CCNY: variants seen among roughly 807,000 people sequenced by gnomAD.
CCNY encodes cyclin Y, also known as cyclin-Y.
A neutral mutation model predicts 42.8 loss-of-function variants in CCNY; 19 were observed. The observed-to-expected ratio is 0.44, with a 90% CI of 0.31 to 0.65. The LOEUF (loss-of-function observed/expected upper bound fraction) is 0.65. Ranked by LOEUF, CCNY falls within the 30% of genes least tolerant of loss-of-function variation. CCNY has a pLI of 0.07. For synonymous variants in CCNY, 165 were observed against 162.7 expected (o/e 1.01, Z -0.11); for missense variants, 370 against 437.3 (o/e 0.85, Z 1.37).
chr10:35,370,811 G>A (rs998271630), intron 1 of CCNY, among the ~76,000 whole-genome samples: 1 of 151,474 alleles, frequency 6.6e-6, no homozygotes, highest in African/African-American at 2.4e-5. Flanking sequence ...CGCCTCCTGG[G>A]TTCATGCCAT....
chr10:35,454,357 C>T (rs562084698), intron 1 of CCNY, among the ~76,000 whole-genome samples: 105 of 152,332 alleles, frequency 6.9e-4, no homozygotes, highest in African/African-American at 2.1e-3. Flanking sequence ...AAGACTCCGC[C>T]GTAGCGGTTC....
chr10:35,292,002 TG>T (rs1835419490), intron 3 of CCNY, among the ~76,000 whole-genome samples: 1 of 152,226 alleles, frequency 6.6e-6, no homozygotes. Flanking sequence ...AGTAGCGTAG[TG>T]GGGTTCCAGT....
intron 3 of CCNY, among the ~76,000 whole-genome samples, chr10:35,316,004 A>AT (rs1403581716): frequency 6.6e-6 from 1 of 152,114 alleles, no homozygotes; most frequent in Non-Finnish European, 1.5e-5. Flanking sequence ...TATAAGTGTA[A>AT]TTGTCTTTTA....
At chr10:35,564,416 C>T (rs1431549446) in intron 8 of CCNY, among the ~76,000 whole-genome samples, 1 of 152,130 alleles carries the variant, frequency 6.6e-6, no homozygotes, top group East Asian at 1.9e-4. Context: ...CCTCCCCACC[C>T]GCCTCCTTAC....
In CCNY at chr10:35,258,975, G is replaced by A. The variant is rs142907018; in HGVS notation, c.-9+8349G>A. Among the ~76,000 whole-genome samples the A allele has an allele frequency of 3.7e-3, 562 of 150,696 alleles. 4 individuals carry two copies. The highest frequency in any genetic ancestry group is 0.013 in the African/African-American group (525 of 40,970). On this transcript the variant is annotated intron_variant, in intron 3 of 11. Transcript: ENST00000374706. ...GGAAACACATGCACTGCTGCCTGCC[G>A]TGGGGAAAGGTGGTGAGGAAAAGGG... is the stretch of plus-strand genomic sequence containing the variant.
chr10:35,300,163 G>T (rs1017806679), intron 3 of CCNY, among the ~76,000 whole-genome samples: 1 of 152,202 alleles, frequency 6.6e-6, no homozygotes, highest in Admixed American at 6.5e-5. Context: ...AGCCAAAGAT[G>T]TAAGAGGGCT....
chr10:35,353,374 A>G (rs935880033), intron 1 of CCNY, among the ~76,000 whole-genome samples: 1 of 152,236 alleles, frequency 6.6e-6, no homozygotes, highest in African/African-American at 2.4e-5. Flanking sequence ...AGTTTCATGT[A>G]TATTTTTATA....
At chr10:35,319,924 C>T (rs1043056796) in intron 3 of CCNY, among the ~76,000 whole-genome samples, 4 of 151,548 alleles carry the variant, frequency 2.6e-5, no homozygotes, top group African/African-American at 9.7e-5. Context: ...CACTCCAGCC[C>T]GGGAGACACT....
At chr10:35,330,354 G>C (rs1016506884) in intron 3 of CCNY, among the ~76,000 whole-genome samples, 1 of 152,066 alleles carries the variant, frequency 6.6e-6, no homozygotes, top group African/African-American at 2.4e-5. Context: ...TACCTATACC[G>C]TATCTTGGCT....
intron 1 of CCNY, among the ~76,000 whole-genome samples, chr10:35,450,305 A>T (rs767529352): frequency 6.6e-6 from 1 of 152,054 alleles, no homozygotes; most frequent in Non-Finnish European, 1.5e-5. Context: ...GGTGACTTAC[A>T]GGGAGAGGGT....
intron 3 of CCNY, among the ~76,000 whole-genome samples, chr10:35,293,910 C>G (rs755187250): frequency 3.3e-5 from 5 of 151,892 alleles, no homozygotes; most frequent in Non-Finnish European, 7.4e-5. Flanking sequence ...TCTGCCTCAG[C>G]CTCCCGAGTA....
intron 8 of CCNY, 105 bp from the exon 9 acceptor site, chr10:35,565,918 G>T: frequency 9.0e-7 from 1 of 1,114,966 alleles, no homozygotes; most frequent in Non-Finnish European, 1.3e-6. Flanking sequence ...TGGTCTTCCT[G>T]GAGGATGCAG....
At chr10:35,400,929 C>T (rs1837629683) in intron 1 of CCNY, among the ~76,000 whole-genome samples, 1 of 152,164 alleles carries the variant, frequency 6.6e-6, no homozygotes, top group Non-Finnish European at 1.5e-5. Flanking sequence ...TCTTAATGCG[C>T]ACTTTTTTTT....
At chr10:35,497,290 G>A (rs1840021364) in intron 2 of CCNY, among the ~76,000 whole-genome samples, 1 of 152,142 alleles carries the variant, frequency 6.6e-6, no homozygotes, top group South Asian at 2.1e-4. Flanking sequence ...GAAATGAGTT[G>A]GCATATTGCT....
chr10:35,250,574 C>T (rs1405296872), exon 3 of CCNY: 3 of 152,306 alleles, frequency 2.0e-5, no homozygotes, highest in Non-Finnish European at 4.4e-5. Context: ...GTTAAACAAG[C>T]TCTCTAGGTA....
intron 3 of CCNY, among the ~76,000 whole-genome samples, chr10:35,306,398 T>C (rs1315285871): frequency 6.6e-6 from 1 of 152,212 alleles, no homozygotes; most frequent in African/African-American, 2.4e-5. Context: ...TGCTTCTTTG[T>C]ACAATATTTC....
At chr10:35,494,049 C>T (rs748337235) in intron 2 of CCNY, among the ~76,000 whole-genome samples, 22 of 152,236 alleles carry the variant, frequency 1.4e-4, no homozygotes, top group Non-Finnish European at 2.6e-4. Flanking sequence ...CTGTGCACTG[C>T]TGTGCCCAGT....
intron 2 of CCNY, among the ~76,000 whole-genome samples, chr10:35,493,774 G>T (rs1000455330): frequency 3.3e-5 from 5 of 152,198 alleles, no homozygotes; most frequent in African/African-American, 1.2e-4. Flanking sequence ...GAGATTGTCA[G>T]GAGGACTAAA....
In CCNY at chr10:35,304,068, C is replaced by G. The variant is rs1255267482; in HGVS notation, c.-9+53442C>G. Among the ~76,000 whole-genome samples the G allele has an allele frequency of 2.0e-5, 3 of 152,242 alleles. No homozygotes were observed. In the East Asian group the frequency reaches 5.8e-4, roughly 30 times the overall value. ...TAGCCACATGCTCCAGTTTCTCCGTCTCCTGCACCCGTGAATGGGCTTCTG... is the reference window on the plus strand; with the variant it reads ...TAGCCACATGCTCCAGTTTCTCCGTGTCCTGCACCCGTGAATGGGCTTCTG... On this transcript the variant is annotated intron_variant, in intron 3 of 11. Transcript: ENST00000374706.
Sources: gnomAD v4.1 joint callset for allele counts (sites outside exome capture counted in the v4.1 genomes callset) on GRCh38, gnomAD v4.1.1 for gene constraint, MANE v1.5 for transcripts, NCBI Gene and HGNC (gene_info 2026-07-23, HGNC 2026-07-21) for gene names.